Variants in NTM observed in about 807,000 individuals in gnomAD.
NTM encodes the protein IgLON family member 2.
NTM carries 13 observed loss-of-function variants against 42.1 expected under a neutral mutation model. The ratio of observed to expected loss-of-function variants is 0.31; its 90% confidence interval spans 0.20 to 0.49. The LOEUF is 0.49. Ranked by LOEUF, NTM falls within the 20% of genes least tolerant of loss-of-function variation. The pLI is 0.99. For missense variants in NTM, 373 were observed against 452.8 expected, an observed-to-expected ratio of 0.82 and a Z score of 1.60; for synonymous variants, 187 against 179.2, an observed-to-expected ratio of 1.04 and a Z score of -0.35.
At chr11:131,730,096 T>G (rs760725260) in intron 1 of NTM, among the ~76,000 whole-genome samples, 45 of 152,198 alleles carry the variant, frequency 3.0e-4, no homozygotes, top group Non-Finnish European at 4.4e-5. Flanking sequence ...TTGCCAGCAC[T>G]TGTTAGTGTC....
At chr11:131,846,679 T>C (rs1565623714) in intron 1 of NTM, among the ~76,000 whole-genome samples, 1 of 152,196 alleles carries the variant, frequency 6.6e-6, no homozygotes, top group Non-Finnish European at 1.5e-5. Flanking sequence ...GTCTAAATAG[T>C]ACATATTCCA....
chr11:131,569,596 G>C (rs1011164571), intron 1 of NTM, among the ~76,000 whole-genome samples: 1 of 46,460 alleles, frequency 2.2e-5, no homozygotes, highest in Non-Finnish European at 4.1e-5. Flanking sequence ...TTTTTTCTTT[G>C]ATACAGGGTT....
intron 1 of NTM, among the ~76,000 whole-genome samples, chr11:131,753,636 C>G (rs9666869): frequency 0.18 from 25,903 of 144,004 alleles, 3,393 homozygotes; most frequent in African/African-American, 0.37. Context: ...GTAAACTATC[C>G]CAAGAACAAA....
chr11:131,652,815 G>C (rs1039058480), intron 1 of NTM, among the ~76,000 whole-genome samples: 10 of 152,206 alleles, frequency 6.6e-5, no homozygotes, highest in African/African-American at 2.4e-4. Context: ...ATCTGAGCAA[G>C]TCGGGGCACT....
chr11:131,681,952 G>C (rs2073023250), intron 1 of NTM, among the ~76,000 whole-genome samples: 4 of 151,962 alleles, frequency 2.6e-5, no homozygotes, highest in Non-Finnish European at 4.4e-5. Context: ...CCTGTGGCTA[G>C]AGAACCCGGC....
intron 2 of NTM, among the ~76,000 whole-genome samples, chr11:132,072,578 A>G (rs2057833727): frequency 6.6e-6 from 1 of 152,178 alleles, no homozygotes; most frequent in African/African-American, 2.4e-5. Context: ...CTAAGTGGAG[A>G]TGTGAATGGA....
chr11:132,280,335 C>T (rs2093920749), intron 4 of NTM, among the ~76,000 whole-genome samples: 1 of 152,142 alleles, frequency 6.6e-6, no homozygotes, highest in Admixed American at 6.5e-5. Flanking sequence ...GGTGAAAGTA[C>T]AGGACACTCC....
At chr11:132,107,542 A>T (rs191041629) in intron 2 of NTM, among the ~76,000 whole-genome samples, 5,606 of 150,644 alleles carry the variant, frequency 0.037, 115 homozygotes, top group Middle Eastern at 0.12. Context: ...ATTTAAAAAA[A>T]TTTTTTTTGT....
chr11:131,842,726 T>G (rs536129472), intron 1 of NTM, among the ~76,000 whole-genome samples: 32 of 148,228 alleles, frequency 2.2e-4, no homozygotes, highest in African/African-American at 7.7e-4. Context: ...ATTTCTAATA[T>G]GAGGGCAAGC....
intron 4 of NTM, among the ~76,000 whole-genome samples, chr11:132,267,506 A>G (rs2139634934): frequency 6.7e-6 from 1 of 148,632 alleles, no homozygotes; most frequent in South Asian, 2.1e-4. Context: ...ATTTTCATTC[A>G]GATACCTTTA....
chr11:131,909,901 C>T (rs750462687), intron 1 of NTM: 7 of 152,148 alleles, frequency 4.6e-5, no homozygotes, highest in Non-Finnish European at 7.4e-5. Flanking sequence ...TGTATAAATA[C>T]AGCAAGTGGC....
chr11:131,665,124 G>T (rs2068811085), intron 1 of NTM, among the ~76,000 whole-genome samples: 1 of 152,144 alleles, frequency 6.6e-6, no homozygotes, highest in Non-Finnish European at 1.5e-5. Context: ...ATTAAGAAGG[G>T]ATCTCCTCTC....
chr11:131,692,810 C>CA (rs2074952709), intron 1 of NTM, among the ~76,000 whole-genome samples: 1 of 151,682 alleles, frequency 6.6e-6, no homozygotes, highest in Non-Finnish European at 1.5e-5. Context: ...AAGTCAGAGG[C>CA]AAAAAAGGGG....
intron 1 of NTM, among the ~76,000 whole-genome samples, chr11:131,510,482 A>G (rs946204142): frequency 4.6e-5 from 7 of 152,182 alleles, no homozygotes; most frequent in African/African-American, 1.7e-4. Context: ...TTGGAGCCAG[A>G]CAGATTTCAG....
At chr11:132,162,404 T>C (rs779670692) in intron 3 of NTM, among the ~76,000 whole-genome samples, 2 of 146,592 alleles carry the variant, frequency 1.4e-5, no homozygotes, top group Non-Finnish European at 3.0e-5. Context: ...GTCATGTGTG[T>C]ATTTGTGGGA....
intron 1 of NTM, among the ~76,000 whole-genome samples, chr11:131,500,579 T>TATATATATATATATATATATA (rs2046666194): frequency 8.5e-4 from 11 of 12,948 alleles, no homozygotes; most frequent in Non-Finnish European, 1.6e-3. Flanking sequence ...ATATATATAT[T>TATATATATATATATATATATA]TTTTTTTTTT....
At chr11:131,873,488 C>G (rs2048013491) in intron 1 of NTM, among the ~76,000 whole-genome samples, 1 of 150,362 alleles carries the variant, frequency 6.7e-6, no homozygotes, top group African/African-American at 2.5e-5. Context: ...TGTAGCAAAC[C>G]TGCACGTTCT....
At chr11:132,115,479 A>C (rs576299458) in intron 2 of NTM, among the ~76,000 whole-genome samples, 1 of 152,316 alleles carries the variant, frequency 6.6e-6, no homozygotes, top group Non-Finnish European at 1.5e-5. Context: ...GAAGAAAAGA[A>C]ATACAATAAG....
At chr11:131,911,488 G>T in intron 1 of NTM, 76 bp from the exon 2 acceptor site, 1 of 1,614,142 alleles carries the variant, frequency 6.2e-7, no homozygotes, top group Non-Finnish European at 8.5e-7. Context: ...GAGAATGGGG[G>T]TCTGTGGGTA....
Sources: gnomAD v4.1 joint callset for allele counts (sites outside exome capture counted in the v4.1 genomes callset) on GRCh38, gnomAD v4.1.1 for gene constraint, MANE v1.5 for transcripts, NCBI Gene and HGNC (gene_info 2026-07-23, HGNC 2026-07-21) for gene names.